The following ACOXL variants were observed in gnomAD, a reference collection of about 807,000 sequenced individuals.
ACOXL encodes the protein acyl-coenzyme A oxidase-like protein.
A neutral mutation model predicts 71.9 loss-of-function variants in ACOXL; 70 were observed. The ratio of observed to expected loss-of-function variants is 0.97; its 90% CI spans 0.80 to 1.19. The LOEUF is 1.19. Among genes scored for constraint, ACOXL ranks in the 50% most tolerant of loss-of-function variants. The pLI is 0.00. For missense variants in ACOXL, 703 were observed against 736.3 expected (o/e 0.95, Z 0.52); for synonymous variants, 253 against 281.6 (o/e 0.90, Z 1.02).
chr2:110,923,845 A>G (rs2060170821), intron 11 of ACOXL, among the ~76,000 whole-genome samples: 1 of 151,974 alleles, frequency 6.6e-6, no homozygotes, highest in Non-Finnish European at 1.5e-5. Context: ...CTGAGGCAGG[A>G]GAATTGCTTG....
At chr2:110,787,559 GA>G (rs1400020024) in intron 3 of ACOXL, among the ~76,000 whole-genome samples, 3 of 146,508 alleles carry the variant, frequency 2.0e-5, no homozygotes, top group African/African-American at 5.1e-5. Flanking sequence ...AAAAGAAAAA[GA>G]AAAAAAAGAA....
Position 110,818,523 on chromosome 2 carries a change from GTATA to G in ACOXL, c.753+13136_753+13139del, listed in dbSNP as rs10606341. Among the ~76,000 whole-genome samples the G allele has an allele frequency of 1.4e-3, 215 of 149,024 alleles. 2 individuals carry two copies. Among genetic ancestry groups the G allele is most frequent in the African/African-American group, 5.1e-3 (207 of 40,276 alleles). ...TGTGTATATATATATGTGTATGTGT[GTATA>G]TATATATGTGTATAAGTAGGTATAT... On this transcript the variant is annotated intron_variant, in intron 9 of 17. Coordinates refer to ENST00000439055, the MANE Select transcript of ACOXL (RefSeq NM_001142807.4).
intron 12 of ACOXL, among the ~76,000 whole-genome samples, chr2:110,966,331 C>A (rs551289652): frequency 6.6e-6 from 1 of 152,320 alleles, no homozygotes; most frequent in South Asian, 2.1e-4. Flanking sequence ...GCTTCTGCTA[C>A]CCACCCTGGG....
chr2:110,922,129 G>T (rs1220267863), intron 11 of ACOXL, among the ~76,000 whole-genome samples: 1 of 152,152 alleles, frequency 6.6e-6, no homozygotes, highest in African/African-American at 2.4e-5. Flanking sequence ...CAAGAAGGGG[G>T]TTGGCATTTC....
At chr2:110,771,434 G>A (rs550005202) in intron 2 of ACOXL, among the ~76,000 whole-genome samples, 7 of 152,280 alleles carry the variant, frequency 4.6e-5, no homozygotes, top group African/African-American at 1.7e-4. Flanking sequence ...CACTTTTGTG[G>A]ATGATCCGAT....
intron 12 of ACOXL, among the ~76,000 whole-genome samples, chr2:110,969,246 ATCCCTACC>A (rs1251615652): frequency 6.6e-6 from 1 of 152,204 alleles, no homozygotes; most frequent in Non-Finnish European, 1.5e-5. Flanking sequence ...ATTCACCTAA[ATCCCTACC>A]TCAAGAAAAT....
chr2:110,886,489 G>T (rs191429417), intron 10 of ACOXL, among the ~76,000 whole-genome samples: 25 of 151,016 alleles, frequency 1.7e-4, no homozygotes, highest in African/African-American at 5.6e-4. Flanking sequence ...CGATTCTCCT[G>T]CCTCAGCCTC....
chr2:110,770,934 C>T (rs573403647), intron 2 of ACOXL, among the ~76,000 whole-genome samples: 2 of 152,214 alleles, frequency 1.3e-5, no homozygotes, highest in African/African-American at 2.4e-5. Flanking sequence ...TCTGTAATCT[C>T]GCTCCTGATG....
chr2:110,963,782 C>T (rs2061811684), intron 12 of ACOXL: 4 of 1,581,706 alleles, frequency 2.5e-6, no homozygotes, highest in Admixed American at 1.7e-5. Flanking sequence ...TATATTTTAT[C>T]TTTATCTGAT....
chr2:110,846,364 G>A (rs375981404), intron 10 of ACOXL, among the ~76,000 whole-genome samples: 2 of 152,082 alleles, frequency 1.3e-5, no homozygotes, highest in Non-Finnish European at 2.9e-5. Flanking sequence ...CCTTAAAGGC[G>A]ATGAATGTGC....
intron 16 of ACOXL, 32 bp from the exon 17 acceptor site, chr2:111,092,833 G>T: frequency 1.4e-6 from 2 of 1,454,660 alleles, no homozygotes; most frequent in Middle Eastern, 1.7e-4. Flanking sequence ...ATTGCTATTT[G>T]TCCATTTCTT....
chr2:110,844,705 G>C (rs1032721706), intron 10 of ACOXL, among the ~76,000 whole-genome samples: 1 of 151,866 alleles, frequency 6.6e-6, no homozygotes, highest in Non-Finnish European at 1.5e-5. Context: ...CTGCCATCAC[G>C]CCCAGCTAAT....
intron 2 of ACOXL, among the ~76,000 whole-genome samples, chr2:110,778,998 A>G (rs1420158207): frequency 6.6e-6 from 1 of 152,238 alleles, no homozygotes; most frequent in Non-Finnish European, 1.5e-5. Flanking sequence ...ACTAATAATC[A>G]GAAACATTTT....
intron 12 of ACOXL, chr2:110,968,248 CCA>C: frequency 1.0e-5 from 11 of 1,101,510 alleles, no homozygotes; most frequent in Non-Finnish European, 1.4e-5. Flanking sequence ...TGATGGTCAG[CCA>C]AGTGCCTTTA....
intron 2 of ACOXL, among the ~76,000 whole-genome samples, chr2:110,781,261 T>C (rs1230917901): frequency 6.6e-6 from 1 of 152,148 alleles, no homozygotes; most frequent in African/African-American, 2.4e-5. Flanking sequence ...TGGTGCCTGA[T>C]ATTTGGGGCT....
intron 16 of ACOXL, among the ~76,000 whole-genome samples, chr2:111,075,306 G>A (rs1411321247): frequency 3.3e-5 from 5 of 151,810 alleles, no homozygotes; most frequent in Admixed American, 6.6e-5. Context: ...ATTTCATTTC[G>A]TATGATCCTT....
intron 1 of ACOXL, among the ~76,000 whole-genome samples, chr2:110,756,990 TCTCATCATCTAGG>T (rs1679787887): frequency 6.6e-6 from 1 of 152,136 alleles, no homozygotes; most frequent in African/African-American, 2.4e-5. Flanking sequence ...GTACAGATCA[TCTCATCATCTAGG>T]TATTCAGCCC....
intron 10 of ACOXL, among the ~76,000 whole-genome samples, chr2:110,891,558 G>C (rs1045926645): frequency 6.6e-6 from 1 of 151,516 alleles, no homozygotes; most frequent in Non-Finnish European, 1.5e-5. Context: ...GGTAAGGTGG[G>C]GAGTGTAATA....
rs533507438 is a variant in ACOXL, at chr2:111,031,562, T to C, written c.1282-65T>C. 4 of 1,448,472 alleles carry C rather than the reference T, an allele frequency of 2.8e-6. No individual in the cohort carries two copies. In the African/African-American group the frequency reaches 5.6e-5, roughly 20 times the overall value. The allele number at this position is 1,448,472 out of a possible 1,614,324, so 89.7% of individuals were successfully genotyped here. ...AAAATTTGGATGTTTGCCGTCTGTC[T>C]TGCTATTAAGTTAGACTCTCTCACA... On this transcript the variant is annotated intron_variant, in intron 14 of 17. Coordinates refer to ENST00000439055, the MANE Select transcript of ACOXL (RefSeq NM_001142807.4).
Sources: allele counts gnomAD v4.1 joint callset (sites outside exome capture counted in the v4.1 genomes callset), GRCh38; gene constraint gnomAD v4.1.1; transcripts MANE v1.5; gene names NCBI Gene and HGNC (gene_info 2026-07-23, HGNC 2026-07-21).